The following RPS6KA3 variants were observed in gnomAD, a reference collection of about 807,000 sequenced individuals.
The protein encoded by RPS6KA3 is ribosomal protein S6 kinase A3.
In RPS6KA3, 4 loss-of-function variants were observed where a neutral mutation model predicts 67.2. The observed-to-expected ratio is 0.06, with a 90% CI of 0.03 to 0.14. RPS6KA3 has a LOEUF of 0.14. RPS6KA3 is among the 10% of genes least tolerant of loss of function. RPS6KA3 has a pLI of 1.00. For missense variants in RPS6KA3, 204 were observed against 559.0 expected (o/e 0.36, Z 6.40); for synonymous variants, 182 against 183.7 (o/e 0.99, Z 0.07).
chrX:20,181,009 A>C (rs1179558317), intron 10 of RPS6KA3, among the ~76,000 whole-genome samples: 1 of 112,134 alleles, frequency 8.9e-6, no homozygotes, highest in Non-Finnish European at 1.9e-5. Context: ...AGTTTTGAAG[A>C]AAATCTGAAA....
At chrX:20,200,131 A>C (rs935581094) in intron 4 of RPS6KA3, among the ~76,000 whole-genome samples, 2 of 112,377 alleles carry the variant, frequency 1.8e-5, no homozygotes, top group African/African-American at 3.2e-5. Context: ...GTAGTATACT[A>C]TTTCGTTCAG....
intron 7 of RPS6KA3, among the ~76,000 whole-genome samples, chrX:20,189,613 T>C (rs2068073916): frequency 8.9e-6 from 1 of 112,029 alleles, no homozygotes; most frequent in Admixed American, 9.5e-5. Flanking sequence ...TTGTGTTAAG[T>C]TGGTGCAGAA....
chrX:20,164,386 GT>G (rs397977193), intron 18 of RPS6KA3, among the ~76,000 whole-genome samples: 1,912 of 84,591 alleles, frequency 0.023, 64 homozygotes, highest in African/African-American at 0.074. Flanking sequence ...CTGAAGGGTT[GT>G]TTTTTTTTTT....
intron 1 of RPS6KA3, among the ~76,000 whole-genome samples, chrX:20,257,181 G>C (rs1383261480): frequency 9.0e-6 from 1 of 111,661 alleles, no homozygotes; most frequent in Admixed American, 9.5e-5. Context: ...GTCAAGGGGG[G>C]CACTCAATAG....
At chrX:20,185,491 G>A (rs2067958290) in intron 10 of RPS6KA3, among the ~76,000 whole-genome samples, 1 of 110,557 alleles carries the variant, frequency 9.0e-6, no homozygotes, top group Non-Finnish European at 1.9e-5. Flanking sequence ...TCCTGTCTTA[G>A]CCCCCATCTG....
intron 4 of RPS6KA3, among the ~76,000 whole-genome samples, chrX:20,199,579 A>G (rs1414839485): frequency 8.9e-6 from 1 of 112,403 alleles, no homozygotes; most frequent in Admixed American, 9.4e-5. Context: ...AACATATTCC[A>G]AAGAGCAGCA....
At chrX:20,162,908 A>G in intron 19 of RPS6KA3, 56 bp downstream of exon 19, 2 of 839,460 alleles carry the variant, frequency 2.4e-6, no homozygotes. Flanking sequence ...AGATAACTTA[A>G]GCAAAACATT....
chrX:20,216,821 G>A (rs2068866268), intron 2 of RPS6KA3, among the ~76,000 whole-genome samples: 1 of 110,971 alleles, frequency 9.0e-6, no homozygotes, highest in Non-Finnish European at 1.9e-5. Context: ...AAATTCAGGC[G>A]GCTCTCCTGC....
In RPS6KA3 at chrX:20,151,241, T is replaced by C. The variant is rs1219421486; in HGVS notation, c.*4157A>G. ...ATTTGGGCATTATCATTCTGGAGAT[T>C]CTTCATTGGAAAAAGTGGTTAAGTG... is the stretch of plus-strand genomic sequence containing the variant. On this transcript the variant is annotated 3_prime_UTR_variant, in exon 22 of 22. Coordinates refer to ENST00000379565, the MANE Select transcript of RPS6KA3 (RefSeq NM_004586.3). 8.9e-6 allele frequency: 1 copy of C among 112,505 alleles called. No individual in the cohort carries two copies. The highest frequency in any genetic ancestry group is 1.9e-5 in the Non-Finnish European group (1 of 53,262). The allele number at this position is 112,505 out of a possible 1,213,427, so 9.3% of individuals were successfully genotyped here.
At chrX:20,244,909 A>G (rs977619820) in intron 1 of RPS6KA3, among the ~76,000 whole-genome samples, 2 of 112,370 alleles carry the variant, frequency 1.8e-5, no homozygotes, top group Admixed American at 9.4e-5. Flanking sequence ...CCTAAAAGGG[A>G]TTTCTTTAAA....
At chrX:20,202,234 C>T (rs964742657) in intron 4 of RPS6KA3, among the ~76,000 whole-genome samples, 3 of 109,617 alleles carry the variant, frequency 2.7e-5, no homozygotes, top group Non-Finnish European at 5.7e-5. Context: ...CTGCCTGCCT[C>T]GGCCTCCCAA....
intron 1 of RPS6KA3, among the ~76,000 whole-genome samples, chrX:20,247,879 A>G (rs1603431430): frequency 8.9e-6 from 1 of 112,139 alleles, no homozygotes; most frequent in Non-Finnish European, 1.9e-5. Context: ...AAAAAACAAA[A>G]AAAACCTTCA....
At chrX:20,187,283 A>T (rs1180715720) in intron 9 of RPS6KA3, among the ~76,000 whole-genome samples, 1 of 111,059 alleles carries the variant, frequency 9.0e-6, no homozygotes, top group Non-Finnish European at 1.9e-5. Context: ...CAATGGCATG[A>T]TCTTGGCTCA....
chrX:20,216,395 G>A (rs2068849978), intron 2 of RPS6KA3, among the ~76,000 whole-genome samples: 1 of 110,910 alleles, frequency 9.0e-6, no homozygotes, highest in Non-Finnish European at 1.9e-5. Flanking sequence ...ATTTATTTTT[G>A]AGTACCTGAT....
At chrX:20,164,828 A>G (rs2067395797) in intron 18 of RPS6KA3, 71 bp downstream of exon 18, 1 of 775,141 alleles carries the variant, frequency 1.3e-6, no homozygotes, top group Admixed American at 2.3e-5. Context: ...TATTATTAAT[A>G]ATTCGGTATT....
chrX:20,253,384 G>A (rs1204853300), intron 1 of RPS6KA3, among the ~76,000 whole-genome samples: 1 of 111,234 alleles, frequency 9.0e-6, no homozygotes, highest in East Asian at 2.8e-4. Flanking sequence ...GTCTGTGACT[G>A]TTGGCAGTTC....
At chrX:20,220,546 G>C (rs1211809436) in intron 2 of RPS6KA3, among the ~76,000 whole-genome samples, 1 of 107,625 alleles carries the variant, frequency 9.3e-6, no homozygotes, top group Non-Finnish European at 1.9e-5. Flanking sequence ...CACAACTCAT[G>C]AAGTAGGATA....
In RPS6KA3 at chrX:20,227,966, C is replaced by A. The variant is rs189783097; in HGVS notation, c.126+6792G>T. On this transcript the variant is annotated intron_variant, in intron 2 of 21. Transcript: ENST00000379565. ...TTTCTTTTTCTCTCCTACTTTCTAC[C>A]TCTTATTGTTCTACTTTTTGAGAGC... is the stretch of plus-strand genomic sequence containing the variant. Among the ~76,000 whole-genome samples, 423 of 110,886 alleles carry A rather than the reference C, an allele frequency of 3.8e-3. 1 individual carries two copies. The highest frequency in any genetic ancestry group is 6.4e-3 in the Non-Finnish European group (339 of 52,860).
At chrX:20,200,250 A>G (rs963740542) in intron 4 of RPS6KA3, among the ~76,000 whole-genome samples, 1 of 112,220 alleles carries the variant, frequency 8.9e-6, no homozygotes, top group Non-Finnish European at 1.9e-5. Context: ...TTAGTCTTCC[A>G]TGTTAGAAAG....
Sources: gnomAD v4.1 joint callset for allele counts (sites outside exome capture counted in the v4.1 genomes callset) on GRCh38, gnomAD v4.1.1 for gene constraint, MANE v1.5 for transcripts, NCBI Gene and HGNC (gene_info 2026-07-23, HGNC 2026-07-21) for gene names.